NEK10: variants seen among roughly 807,000 people sequenced by gnomAD.
NEK10 encodes the protein serine/threonine-protein kinase Nek10.
Under a neutral mutation model 159.8 loss-of-function variants are expected in NEK10, and 122 were observed. That is an observed-to-expected ratio of 0.76 (90% CI 0.66 to 0.89). NEK10 has a LOEUF of 0.89. NEK10 is among the 40% of genes least tolerant of loss of function. The probability of loss-of-function intolerance (pLI) is 0.00; values close to 1 mark genes in which losing one functional copy is unlikely to be tolerated. For missense variants in NEK10, 1,342 were observed against 1,323.1 expected, an observed-to-expected ratio of 1.01 and a Z score of -0.22; for synonymous variants, 466 against 457.1, an observed-to-expected ratio of 1.02 and a Z score of -0.25.
At chr3:27,176,227 T>G (rs1158955460) in intron 26 of NEK10, among the ~76,000 whole-genome samples, 2 of 152,236 alleles carry the variant, frequency 1.3e-5, no homozygotes, top group African/African-American at 4.8e-5. Context: ...TTTTCAGTGA[T>G]TCTTCAAAGT....
At chr3:27,272,358 T>G (rs919713921) in intron 22 of NEK10, among the ~76,000 whole-genome samples, 1 of 152,202 alleles carries the variant, frequency 6.6e-6, no homozygotes, top group Admixed American at 6.5e-5. Context: ...GCTTGAAATC[T>G]TTGCCTTTTC....
At chr3:27,152,375 T>A (rs1334433412) in intron 30 of NEK10, among the ~76,000 whole-genome samples, 1 of 152,162 alleles carries the variant, frequency 6.6e-6, no homozygotes, top group East Asian at 1.9e-4. Flanking sequence ...AGCCAAGAAC[T>A]TTGTATCCAA....
chr3:27,199,989 A>G (rs1575209312), intron 25 of NEK10, among the ~76,000 whole-genome samples: 1 of 152,308 alleles, frequency 6.6e-6, no homozygotes, highest in African/African-American at 2.4e-5. Context: ...GGAGAGCATC[A>G]GGAAAAATAG....
chr3:27,226,945 T>A (rs1469385000), intron 23 of NEK10, among the ~76,000 whole-genome samples: 1 of 152,182 alleles, frequency 6.6e-6, no homozygotes, highest in Admixed American at 6.5e-5. Context: ...TTCTTCAAAG[T>A]GTATATCCTA....
At chr3:27,236,989 A>T (rs1372744564) in intron 23 of NEK10, among the ~76,000 whole-genome samples, 2 of 151,994 alleles carry the variant, frequency 1.3e-5, no homozygotes, top group Admixed American at 6.6e-5. Context: ...TAAGACAGAC[A>T]CTCCCAAAGT....
intron 25 of NEK10, among the ~76,000 whole-genome samples, chr3:27,193,206 A>G (rs984336432): frequency 6.6e-6 from 1 of 152,140 alleles, no homozygotes; most frequent in African/African-American, 2.4e-5. Context: ...TCTACTTTCT[A>G]AATATTTCTT....
At chr3:27,279,953 A>T (rs2042034492) in intron 22 of NEK10, among the ~76,000 whole-genome samples, 1 of 152,148 alleles carries the variant, frequency 6.6e-6, no homozygotes. Flanking sequence ...GCGGATCATG[A>T]GGTCAACAGA....
rs557612620 is a variant in NEK10 at position 27,258,527 on chromosome 3, A to G, written c.2015-2156T>C. On this transcript the variant is annotated intron_variant, in intron 22 of 35. Coordinates refer to ENST00000691995, the MANE Select transcript of NEK10 (RefSeq NM_001394966.1). ...AGAATGATGGTTTCCAGCTTCATCC[A>G]TGTCCTCCAAAGACATGAATTCATC... Among the ~76,000 whole-genome samples the G allele has an allele frequency of 1.5e-3, 226 of 152,206 alleles. 1 individual carries two copies. The highest frequency in any genetic ancestry group is 5.3e-3 in the African/African-American group (221 of 41,536).
intron 1 of NEK10, among the ~76,000 whole-genome samples, chr3:27,364,208 C>T (rs1379221970): frequency 6.6e-6 from 1 of 151,822 alleles, no homozygotes; most frequent in Non-Finnish European, 1.5e-5. Flanking sequence ...GAGTTTTGCT[C>T]TTGTCACCCA....
intron 29 of NEK10, among the ~76,000 whole-genome samples, chr3:27,166,662 T>C (rs1245522587): frequency 1.3e-5 from 2 of 152,100 alleles, no homozygotes; most frequent in Non-Finnish European, 2.9e-5. Flanking sequence ...CATCTTCACA[T>C]ATAAAGACTT....
intron 32 of NEK10, among the ~76,000 whole-genome samples, chr3:27,121,678 C>G (rs1291163810): frequency 6.6e-6 from 1 of 152,184 alleles, no homozygotes; most frequent in African/African-American, 2.4e-5. Flanking sequence ...AAACCTCTTT[C>G]TTTTGTAAAT....
At chr3:27,208,663 A>C (rs1950740586) in intron 23 of NEK10, among the ~76,000 whole-genome samples, 1 of 152,186 alleles carries the variant, frequency 6.6e-6, no homozygotes, top group African/African-American at 2.4e-5. Flanking sequence ...CTGGTGACTA[A>C]ATGGGTATAA....
At chr3:27,124,802 TC>T (rs1486427528) in intron 32 of NEK10, among the ~76,000 whole-genome samples, 1 of 152,194 alleles carries the variant, frequency 6.6e-6, no homozygotes, top group African/African-American at 2.4e-5. Flanking sequence ...AAGTAAATGT[TC>T]ACCCAGCAGG....
intron 22 of NEK10, among the ~76,000 whole-genome samples, chr3:27,263,456 G>T (rs916164951): frequency 6.6e-6 from 1 of 152,172 alleles, no homozygotes; most frequent in Admixed American, 6.5e-5. Flanking sequence ...GAGCTGCGGT[G>T]GGCTCCACCC....
intron 28 of NEK10, 91 bp from the exon 29 acceptor site, chr3:27,171,964 T>G: frequency 7.5e-7 from 1 of 1,334,140 alleles, no homozygotes; most frequent in Non-Finnish European, 1.0e-6. Flanking sequence ...GAACAACAAA[T>G]ACTGGTGAAG....
chr3:27,238,912 T>C (rs1388609617), intron 23 of NEK10, among the ~76,000 whole-genome samples: 1 of 152,076 alleles, frequency 6.6e-6, no homozygotes, highest in Non-Finnish European at 1.5e-5. Flanking sequence ...AAATACCCTC[T>C]AGAGGTTTCC....
intron 23 of NEK10, among the ~76,000 whole-genome samples, chr3:27,244,278 C>T (rs1423707041): frequency 6.6e-6 from 1 of 152,162 alleles, no homozygotes; most frequent in Non-Finnish European, 1.5e-5. Flanking sequence ...AATAAAACAC[C>T]TATTTTACAG....
chr3:27,269,683 T>C (rs112391194), intron 22 of NEK10, among the ~76,000 whole-genome samples: 1 of 152,196 alleles, frequency 6.6e-6, no homozygotes, highest in Non-Finnish European at 1.5e-5. Context: ...ATTGCAATAT[T>C]TGCTGTATTG....
rs748977809 is a variant in NEK10 at position 27,290,649 on chromosome 3, T to C, written c.1711A>G (p.Ile571Val). ...TTAATTATTGTTAATTCAGAAACAA[T>C]ATTCCTTACGCTGCTGTCTCGATCT... Reference protein sequence around the residue: ...KKDRDSSVRNIVSELTIIKEQ... With the variant: ...KKDRDSSVRNVVSELTIIKEQ... Residue 571 changes from isoleucine to valine, a missense_variant, in exon 19 of 36, where the codon ATT (isoleucine) becomes GTT (valine). By Grantham distance (29) the Ile-to-Val change is conservative. Coordinates refer to ENST00000691995, the MANE Select transcript of NEK10 (RefSeq NM_001394966.1). The C allele has an allele frequency of 4.4e-6, 7 of 1,604,270 alleles. No homozygotes were observed. The highest frequency in any genetic ancestry group is 1.3e-5 in the African/African-American group (1 of 74,302).
Sources: allele counts gnomAD v4.1 joint callset (sites outside exome capture counted in the v4.1 genomes callset), GRCh38; gene constraint gnomAD v4.1.1; transcripts MANE v1.5; gene names NCBI Gene and HGNC (gene_info 2026-07-23, HGNC 2026-07-21).